Variants in BIRC6 observed in about 807,000 individuals in gnomAD.
BIRC6 encodes the protein baculoviral IAP repeat containing 6, also known as dual E2 ubiquitin-conjugating enzyme/E3 ubiquitin-protein ligase BIRC6.
In BIRC6, 98 loss-of-function variants were observed where a neutral mutation model predicts 503.3. That is an observed-to-expected ratio of 0.19 (90% confidence interval 0.17 to 0.23). The LOEUF (loss-of-function observed/expected upper bound fraction) is 0.23. Ranked by LOEUF, BIRC6 falls within the 10% of genes least tolerant of loss-of-function variation. The pLI, the probability that BIRC6 is intolerant of heterozygous loss-of-function variation, is 1.00. For missense variants in BIRC6, 5,360 were observed against 5,806.0 expected, an observed-to-expected ratio of 0.92 and a Z score of 2.50; for synonymous variants, 2,240 against 2,078.7, an observed-to-expected ratio of 1.08 and a Z score of -2.11.
Position 32,443,571 on chromosome 2 carries a change from C to T in BIRC6, c.4319C>T (p.Pro1440Leu), listed in dbSNP as rs772373603. The T allele has an allele frequency of 1.9e-6, 3 of 1,602,662 alleles. No homozygotes were observed. The highest frequency in any genetic ancestry group is 1.1e-5 in the South Asian group (1 of 88,894). Residue 1440 changes from proline to leucine, a missense_variant, in exon 20 of 74, where the codon CCT becomes CTT. By Grantham distance (98) the Pro-to-Leu change is moderately conservative. Transcript: ENST00000421745. ...KALLDNMSFLPAATTGGSVYW... is the reference protein window; with the variant it reads ...KALLDNMSFLLAATTGGSVYW... Reference sequence around the variant, plus strand: ...TTACTTGATAATATGTCATTTTTACCTGCAGCAACAACTGGTGGTATGTAA... The same window carrying T: ...TTACTTGATAATATGTCATTTTTACTTGCAGCAACAACTGGTGGTATGTAA...
chr2:32,382,251 G>A (rs2037774646), intron 3 of BIRC6, among the ~76,000 whole-genome samples: 1 of 152,188 alleles, frequency 6.6e-6, no homozygotes, highest in South Asian at 2.1e-4. Flanking sequence ...GCTTGGACGA[G>A]GGCGTTGCAA....
chr2:32,527,591 C>T (rs2056380985), intron 59 of BIRC6: 1 of 152,228 alleles, frequency 6.6e-6, no homozygotes, highest in Non-Finnish European at 1.5e-5. Context: ...GCATGTCTGG[C>T]ACAACCTCTG....
chr2:32,390,014 C>T (rs1344875492), intron 4 of BIRC6, among the ~76,000 whole-genome samples: 1 of 152,064 alleles, frequency 6.6e-6, no homozygotes, highest in Non-Finnish European at 1.5e-5. Context: ...CATGTGCCAC[C>T]ATACCGGGGC....
intron 67 of BIRC6, chr2:32,594,364 A>G (rs1281448372): frequency 8.8e-6 from 2 of 227,206 alleles, no homozygotes; most frequent in Non-Finnish European, 1.7e-5. Context: ...GATAGAAAAT[A>G]GTACATTAAG....
chr2:32,515,689 C>T lies in BIRC6; in HGVS notation c.11268C>T (p.Arg3756=). 3.7e-6 allele frequency: 6 copies of T among 1,605,516 alleles called. No homozygotes were observed. The highest frequency in any genetic ancestry group is 5.1e-6 in the Non-Finnish European group (6 of 1,179,828). ...AATTGLTTQQ[R]TAIENATVAF... is the part of the protein sequence containing the mutation. The stretch of plus-strand genomic sequence containing the variant: ...CAACAGGACTGACTACTCAACAGCG[C>T]ACAGCAATTGAGAATGCAACTGTTG... The change falls in exon 55 of 74, where the codon CGC becomes CGT. Residue 3756 remains arginine, a synonymous_variant. Transcript: ENST00000421745.
chr2:32,416,319 A>G (rs765704098), intron 10 of BIRC6, among the ~76,000 whole-genome samples, 156 bp downstream of exon 10: 1 of 152,102 alleles, frequency 6.6e-6, no homozygotes, highest in Non-Finnish European at 1.5e-5. Flanking sequence ...AACTGTTCTT[A>G]AAACTTTTTT....
intron 65 of BIRC6, among the ~76,000 whole-genome samples, chr2:32,567,034 G>A (rs2059580575): frequency 6.6e-6 from 1 of 152,188 alleles, no homozygotes; most frequent in African/African-American, 2.4e-5. Flanking sequence ...ACAGTGGCAT[G>A]ATCTTGGCTC....
At position 32,433,561 on chromosome 2, in the gene BIRC6, A is replaced by T. The variant is rs566901298; in HGVS notation, c.3249-83A>T. On this transcript the variant is annotated intron_variant, in intron 12 of 73. Transcript: ENST00000421745. ...TGTTGGAAGCTGCAAAGCAAAAAGT[A>T]GGAAAGGTGACCTTAATGATAATAT... 17 of 1,244,702 alleles carry T rather than the reference A, an allele frequency of 1.4e-5. 1 individual carries two copies. The Middle Eastern group carries it at 1.1e-3, about 80-fold the overall frequency. 77.1% of individuals were successfully genotyped at this position (1,244,702 alleles called of 1,614,324 possible).
Position 32,462,816 on chromosome 2 carries a change from C to T in BIRC6, c.4754-378C>T, listed in dbSNP as rs192876645. On this transcript the variant is annotated intron_variant, in intron 23 of 73. Transcript: ENST00000421745. Reference sequence around the variant, plus strand: ...ACTAAACATACAAAAATTAGCCAGGCATGGTGGTGCATGCCTCTAATCCCA... The same window carrying T: ...ACTAAACATACAAAAATTAGCCAGGTATGGTGGTGCATGCCTCTAATCCCA... Among the ~76,000 whole-genome samples, 417 of 152,084 alleles carry T rather than the reference C, an allele frequency of 2.7e-3. 2 individuals carry two copies. The highest frequency in any genetic ancestry group is 9.6e-3 in the African/African-American group (397 of 41,480).
At chr2:32,488,075 T>C (rs905553428) in intron 41 of BIRC6, among the ~76,000 whole-genome samples, 1 of 151,922 alleles carries the variant, frequency 6.6e-6, no homozygotes, top group African/African-American at 2.4e-5. Flanking sequence ...GCATGGTGGC[T>C]TGAGTTTGTA....
At chr2:32,368,181 G>C (rs2035244513) in intron 1 of BIRC6, among the ~76,000 whole-genome samples, 1 of 149,450 alleles carries the variant, frequency 6.7e-6, no homozygotes, top group Admixed American at 6.7e-5. Context: ...CAGGCATACT[G>C]TTTTTTTTTT....
chr2:32,598,290 T>C (rs1267278421), intron 69 of BIRC6, among the ~76,000 whole-genome samples: 1 of 152,086 alleles, frequency 6.6e-6, no homozygotes, highest in Non-Finnish European at 1.5e-5. Flanking sequence ...TTAGAAAATA[T>C]CAAAAGAGCC....
chr2:32,570,924 A>G (rs770585995), intron 65 of BIRC6, among the ~76,000 whole-genome samples: 2 of 152,098 alleles, frequency 1.3e-5, no homozygotes, highest in Non-Finnish European at 2.9e-5. Context: ...TAGCCTCCCA[A>G]GTAGCTGGGA....
At chr2:32,482,773 C>G (rs2050554528) in intron 39 of BIRC6, among the ~76,000 whole-genome samples, 191 bp downstream of exon 39, 1 of 152,054 alleles carries the variant, frequency 6.6e-6, no homozygotes, top group African/African-American at 2.4e-5. Flanking sequence ...TTTTGGTTCT[C>G]TGTCAGAATA....
chr2:32,461,172 CTCCCCTCCCCTCT>C lies in BIRC6; in HGVS notation c.4754-2021_4754-2009del, dbSNP rs1371504557. 1.3e-3 allele frequency among the ~76,000 whole-genome samples: 38 copies of C among 28,924 alleles called. 12 individuals are homozygous for C. The highest frequency in any genetic ancestry group is 5.3e-3 in the African/African-American group (35 of 6,574). 19.0% of individuals were successfully genotyped at this position (28,924 alleles called of 152,430 possible). A position where few individuals can be genotyped will look rare whatever the true frequency, so the allele number is the denominator to read the frequency against. On this transcript the variant is annotated intron_variant, in intron 23 of 73. Transcript: ENST00000421745. ...CCTCCCCTCCCCTCTCCCCTCCCCT[CTCCCCTCCCCTCT>C]CCCCTCCCCTTCCCTTTTTTCTAAC...
intron 65 of BIRC6, among the ~76,000 whole-genome samples, chr2:32,555,436 C>T (rs905852889): frequency 2.0e-5 from 3 of 151,310 alleles, no homozygotes; most frequent in African/African-American, 7.3e-5. Flanking sequence ...GTCGGGACAT[C>T]GAGCCCAGCC....
chr2:32,480,614 T>C, intron 37 of BIRC6, among the ~76,000 whole-genome samples: 1 of 133,848 alleles, frequency 7.5e-6, no homozygotes, highest in Non-Finnish European at 1.6e-5. Flanking sequence ...AAAAATAAGG[T>C]AAATGGCTTT....
Position 32,503,114 on chromosome 2 carries a change from T to C in BIRC6, c.9377T>C (p.Val3126Ala). The C allele has an allele frequency of 6.2e-7, 1 of 1,611,268 alleles. No individual in the cohort carries two copies. The highest frequency in any genetic ancestry group is 8.5e-7 in the Non-Finnish European group (1 of 1,178,554). The change falls in exon 49 of 74, where the codon GTA becomes GCA. Residue 3126 changes from valine (V) to alanine (A), a missense_variant. Physicochemically the swap from Val to Ala is moderately conservative, Grantham distance 64 (BLOSUM62 0). This residue lies in a region of BIRC6 where 267 missense variants were observed against 287.6 expected (regional missense o/e 0.93). Transcript: ENST00000421745. ...RAIVNTARSM[V>A]STIMKFLDSG... ...ATTGTGAACACTGCAAGAAGTATGG[T>C]ATCAACTATTATGAAATTTCTTGAC...
At chr2:32,369,815 T>C (rs1313678396) in intron 1 of BIRC6, among the ~76,000 whole-genome samples, 3 of 150,072 alleles carry the variant, frequency 2.0e-5, no homozygotes, top group African/African-American at 2.4e-5. Flanking sequence ...ATAGCCAGTT[T>C]AGCCAGGTTG....
Sources: gnomAD v4.1 joint callset for allele counts (sites outside exome capture counted in the v4.1 genomes callset) on GRCh38, gnomAD v4.1.1 for gene constraint, gnomAD v4.1.1 regional missense constraint, MANE v1.5 for transcripts, NCBI Gene and HGNC (gene_info 2026-07-23, HGNC 2026-07-21) for gene names.